The following TEX10 variants were observed in gnomAD, a reference collection of about 807,000 sequenced individuals.
The protein encoded by TEX10 is testis-expressed protein 10.
TEX10 carries 24 observed loss-of-function variants against 104.4 expected under a neutral mutation model. The observed-to-expected ratio is 0.23, with a 90% CI of 0.17 to 0.32. The LOEUF (loss-of-function observed/expected upper bound fraction) is 0.32. TEX10 is among the 10% of genes least tolerant of loss of function. The pLI, the probability that TEX10 is intolerant of heterozygous loss-of-function variation, is 1.00. For synonymous variants in TEX10, 396 were observed against 393.4 expected (o/e 1.01, Z -0.08); for missense variants, 921 against 1,083.9 (o/e 0.85, Z 2.11).
intron 12 of TEX10, 54 bp downstream of exon 12, chr9:100,310,245 C>G: frequency 6.9e-7 from 1 of 1,457,478 alleles, no homozygotes; most frequent in Non-Finnish European, 9.6e-7. Flanking sequence ...AAACTCTATT[C>G]TAACCAATGC....
intron 4 of TEX10, among the ~76,000 whole-genome samples, chr9:100,342,440 C>T (rs1835196244): frequency 6.6e-6 from 1 of 152,146 alleles, no homozygotes; most frequent in Non-Finnish European, 1.5e-5. Context: ...TTCAAAAGAC[C>T]TTTCTGTAAT....
intron 13 of TEX10, chr9:100,305,724 GGGATTTTAGGGCAA>G (rs1169744743): frequency 2.0e-5 from 3 of 152,192 alleles, no homozygotes; most frequent in Non-Finnish European, 2.9e-5. Flanking sequence ...AACTGTATGT[GGGATTTTAGGGCAA>G]GGATTTTCAA....
chr9:100,312,071 C>A (rs1018786764), intron 11 of TEX10, among the ~76,000 whole-genome samples: 1 of 152,080 alleles, frequency 6.6e-6, no homozygotes, highest in Non-Finnish European at 1.5e-5. Flanking sequence ...TTCTTTTATA[C>A]CATTAAGTAA....
chr9:100,352,398 C>T, intron 1 of TEX10: 1 of 1,551,770 alleles, frequency 6.4e-7, no homozygotes, highest in Non-Finnish European at 8.7e-7. Context: ...GGTCCTGCAT[C>T]CATCCCAGAG....
chr9:100,339,073 G>A (rs987597265), intron 5 of TEX10, among the ~76,000 whole-genome samples: 2 of 150,826 alleles, frequency 1.3e-5, no homozygotes, highest in Non-Finnish European at 2.9e-5. Flanking sequence ...GGCCAATATG[G>A]TGAAACCCTG....
In TEX10 at chr9:100,302,184, G is replaced by GGATA. The variant is rs1833997550; in HGVS notation, c.*6_*7insTATC. 1.3e-6 allele frequency: 2 copies of GGATA among 1,525,988 alleles called. No homozygotes were observed. The highest frequency in any genetic ancestry group is 1.2e-5 in the South Asian group (1 of 82,084). 94.5% of individuals were successfully genotyped at this position (1,525,988 alleles called of 1,614,324 possible). On this transcript the variant is annotated 3_prime_UTR_variant, in exon 15 of 15. Transcript: ENST00000374902. ...AACAACTTCAAACAGGAGGTACTAT[G>GGATA]GCCTCTTCAATACACTGTAGCCAGT...
chr9:100,316,389 C>T (rs1264378205), intron 11 of TEX10, among the ~76,000 whole-genome samples: 1 of 151,980 alleles, frequency 6.6e-6, no homozygotes, highest in East Asian at 1.9e-4. Context: ...ATAATAAAGG[C>T]CATCCATATA....
chr9:100,332,770 G>A (rs935256735), intron 5 of TEX10, among the ~76,000 whole-genome samples: 2 of 151,528 alleles, frequency 1.3e-5, no homozygotes, highest in African/African-American at 2.4e-5. Flanking sequence ...GCAGTGAGCC[G>A]AGATCATGCC....
chr9:100,332,025 G>A (rs890196333), intron 5 of TEX10, among the ~76,000 whole-genome samples: 3 of 152,226 alleles, frequency 2.0e-5, no homozygotes, highest in African/African-American at 7.2e-5. Flanking sequence ...GAGAGATCTA[G>A]AAATTAATTC....
chr9:100,350,072 G>A (rs1835404210), intron 1 of TEX10, among the ~76,000 whole-genome samples: 2 of 152,140 alleles, frequency 1.3e-5, no homozygotes, highest in South Asian at 2.1e-4. Flanking sequence ...GTAATAGGGG[G>A]ATAAGGAACA....
chr9:100,306,881 T>G (rs1221712990), intron 13 of TEX10: 1 of 152,180 alleles, frequency 6.6e-6, no homozygotes, highest in Non-Finnish European at 1.5e-5. Context: ...ACAATAGATC[T>G]TTGAAACTTT....
At chr9:100,329,425 C>A (rs1834796473) in intron 6 of TEX10, 150 bp from the exon 7 acceptor site, 2 of 788,664 alleles carry the variant, frequency 2.5e-6, no homozygotes, top group East Asian at 2.8e-5. Flanking sequence ...AGTCCTATAG[C>A]AATAGCCTAA....
intron 8 of TEX10, 31 bp downstream of exon 8, chr9:100,327,756 T>C (rs754838811): frequency 1.1e-5 from 16 of 1,504,400 alleles, no homozygotes; most frequent in Middle Eastern, 1.8e-4. Flanking sequence ...GATCAATGAC[T>C]ACCCATACCA....
chr9:100,346,868 T>A lies in TEX10; in HGVS notation c.719A>T (p.Asp240Val). Reference protein sequence around the residue: ...RLSKFLQALADGSSRLRESEG... With the variant: ...RLSKFLQALAVGSSRLRESEG... ...ACTTTCTCTCAACCTACTGGATCCA[T>A]CTGCCAAGGCCTGAAGGAATTTACT... is the stretch of plus-strand genomic sequence containing the variant. The change falls in exon 3 of 15, where the codon GAT becomes GTT. Residue 240 changes from aspartate to valine, a missense_variant. This residue lies in a region of TEX10 where 753 missense variants were observed against 868.4 expected (regional missense o/e 0.87). Transcript: ENST00000374902. 1 of 1,614,200 alleles carries A rather than the reference T, an allele frequency of 6.2e-7. No individual in the cohort carries two copies. The highest frequency in any genetic ancestry group is 2.2e-5 in the East Asian group (1 of 44,890).
chr9:100,339,117 G>A (rs1564217233), intron 5 of TEX10, among the ~76,000 whole-genome samples: 1 of 150,642 alleles, frequency 6.6e-6, no homozygotes, highest in East Asian at 1.9e-4. Context: ...AATCAGGCAT[G>A]GTGGTGAACA....
intron 4 of TEX10, among the ~76,000 whole-genome samples, chr9:100,341,961 C>T (rs1303883028): frequency 6.6e-6 from 1 of 152,220 alleles, no homozygotes; most frequent in African/African-American, 2.4e-5. Flanking sequence ...TCGCCACACT[C>T]AGGTTAAAAT....
chr9:100,307,706 A>C (rs561546048), intron 13 of TEX10: 2 of 152,130 alleles, frequency 1.3e-5, no homozygotes, highest in Admixed American at 6.6e-5. Context: ...TGCAGGGTAC[A>C]TTAACAGTAT....
intron 4 of TEX10, among the ~76,000 whole-genome samples, chr9:100,345,492 C>T (rs551178400): frequency 9.8e-5 from 15 of 152,342 alleles, no homozygotes; most frequent in African/African-American, 3.6e-4. Context: ...TGAAGTCTTG[C>T]TTCTGTAGCT....
chr9:100,308,819 C>A, intron 12 of TEX10, 138 bp from the exon 13 acceptor site: 1 of 648,478 alleles, frequency 1.5e-6, no homozygotes, highest in African/African-American at 1.9e-5. Flanking sequence ...ATGCCACCTG[C>A]CACACCTTAA....
Sources: gnomAD v4.1 joint callset for allele counts (sites outside exome capture counted in the v4.1 genomes callset) on GRCh38, gnomAD v4.1.1 for gene constraint, gnomAD v4.1.1 regional missense constraint, MANE v1.5 for transcripts, NCBI Gene and HGNC (gene_info 2026-07-23, HGNC 2026-07-21) for gene names.